Variants in SERPINA5 observed in about 807,000 individuals in gnomAD.
SERPINA5 encodes the protein plasma serine protease inhibitor.
In SERPINA5, 25 loss-of-function variants were observed where a neutral mutation model predicts 25.3. The observed-to-expected ratio is 0.99, with a 90% CI of 0.72 to 1.38. The LOEUF (loss-of-function observed/expected upper bound fraction) is 1.38. Among genes scored for constraint, SERPINA5 ranks in the 40% most tolerant of loss-of-function variants. SERPINA5 has a pLI of 0.00. For synonymous variants in SERPINA5, 234 were observed against 206.2 expected (o/e 1.14, Z -1.16); for missense variants, 599 against 509.5 (o/e 1.18, Z -1.69).
chr14:94,584,350 G>A (rs955418865), intron 2 of SERPINA5, among the ~76,000 whole-genome samples: 4 of 152,206 alleles, frequency 2.6e-5, no homozygotes, highest in Non-Finnish European at 4.4e-5. Flanking sequence ...TATTTATGGA[G>A]TGTCTAGTAT....
chr14:94,590,413 A>C (rs1885242277), intron 4 of SERPINA5, 102 bp downstream of exon 4: 3 of 1,396,262 alleles, frequency 2.1e-6, no homozygotes, highest in Non-Finnish European at 2.9e-6. Flanking sequence ...GGACTCACCC[A>C]GCCAAGGAGC....
chr14:94,591,549 G>A (rs2982747), intron 5 of SERPINA5, among the ~76,000 whole-genome samples: 50 of 108,296 alleles, frequency 4.6e-4, no homozygotes, highest in East Asian at 1.7e-3. Context: ...ATTCTGTTCT[G>A]TTCTATTCTA....
rs138505544 is a variant in SERPINA5, at chr14:94,590,845, C to T, written c.987C>T (p.Ser329=). The change falls in exon 5 of 6, where the codon TCC becomes TCT. Residue 329 remains serine (S), a synonymous_variant. Transcript: ENST00000329597. ...PSLGISNVFT[S]HADLSGISNH... Reference sequence around the variant, plus strand: ...TGGGGATCAGTAACGTCTTCACCTCCCATGCTGATCTGTCCGGCATCAGCA... The same window carrying T: ...TGGGGATCAGTAACGTCTTCACCTCTCATGCTGATCTGTCCGGCATCAGCA... The T allele has an allele frequency of 8.1e-6, 13 of 1,613,950 alleles. No individual in the cohort carries two copies. The African/African-American group carries it at 1.5e-4, about 18-fold the overall frequency.
chr14:94,582,158 AT>A (rs1566835559), intron 2 of SERPINA5: 2 of 152,240 alleles, frequency 1.3e-5, no homozygotes, highest in African/African-American at 4.8e-5. Context: ...GACAGTAACA[AT>A]TTGGCAGTTT....
Position 94,587,672 on chromosome 14 carries a change from G to GAGA in SERPINA5, c.313_315dup (p.Lys105dup). 6.2e-7 allele frequency: 1 copy of GAGA among 1,614,088 alleles called. No homozygotes were observed. The highest frequency in any genetic ancestry group is 8.5e-7 in the Non-Finnish European group (1 of 1,179,978). On this transcript the variant is annotated inframe_insertion, in exon 3 of 6. Coordinates refer to ENST00000329597, the MANE Select transcript of SERPINA5 (RefSeq NM_000624.6). Reference sequence around the variant, plus strand: ...GGGCCTCAACCTCCAGAAAAGCTCAGAGAAGGAGCTGCACAGAGGCTTTCA... The same window carrying GAGA: ...GGGCCTCAACCTCCAGAAAAGCTCAGAGAAGAAGGAGCTGCACAGAGGCTTTCA...
chr14:94,583,754 G>A (rs577298877), intron 2 of SERPINA5, among the ~76,000 whole-genome samples: 165 of 152,294 alleles, frequency 1.1e-3, no homozygotes, highest in Non-Finnish European at 1.9e-3. Flanking sequence ...AGGTGAACAT[G>A]ACTGATCCTC....
intron 3 of SERPINA5, 77 bp from the exon 4 acceptor site, chr14:94,589,964 A>C: frequency 7.1e-7 from 1 of 1,406,614 alleles, no homozygotes. Flanking sequence ...TACTGTCTTC[A>C]CTCCTTTTAT....
intron 2 of SERPINA5, among the ~76,000 whole-genome samples, chr14:94,585,900 C>T (rs770816804): frequency 2.0e-5 from 3 of 152,104 alleles, no homozygotes; most frequent in Admixed American, 6.6e-5. Context: ...TTCCATAGCA[C>T]GTGCCCCCAA....
At chr14:94,591,338 C>T (rs9796327) in intron 5 of SERPINA5, among the ~76,000 whole-genome samples, 10,712 of 145,634 alleles carry the variant, frequency 0.074, 488 homozygotes, top group Middle Eastern at 0.16. Context: ...CTCCATTCCA[C>T]TCCTCCACTC....
At chr14:94,591,787 T>A (rs1056433474) in intron 5 of SERPINA5, among the ~76,000 whole-genome samples, 13 of 152,190 alleles carry the variant, frequency 8.5e-5, no homozygotes, top group Admixed American at 8.5e-4. Context: ...TACTTGACTC[T>A]CTGAGCTTCC....
At position 94,591,552 on chromosome 14, in the gene SERPINA5, C is replaced by CTATTG. The variant is rs1368579528; in HGVS notation, c.1039-501_1039-500insGTATT. 5.8e-5 allele frequency among the ~76,000 whole-genome samples: 7 copies of CTATTG among 120,406 alleles called. No individual in the cohort carries two copies. The East Asian group carries it at 1.5e-3, about 26-fold the overall frequency. The allele number at this position is 120,406 out of a possible 152,430, so 79.0% of individuals were successfully genotyped here. On this transcript the variant is annotated intron_variant, in intron 5 of 5. Transcript: ENST00000329597. ...CTCCACTCCTTTATTCTGTTCTGTT[C>CTATTG]TATTCTATTCTATTCTATTCTATTC...
chr14:94,587,524 G>A lies in SERPINA5; in HGVS notation c.162G>A (p.Arg54=), dbSNP rs1283683845. Residue 54 remains arginine, a synonymous_variant, in exon 3 of 6, where the codon AGG becomes AGA. Coordinates refer to ENST00000329597, the MANE Select transcript of SERPINA5 (RefSeq NM_000624.6). The stretch of plus-strand genomic sequence containing the variant: ...GGGACTTTACCTTTGACCTCTACAG[G>A]GCCTTGGCTTCCGCTGCCCCCAGCC... The part of the protein sequence containing the change: ...SRRDFTFDLY[R]ALASAAPSQS... The A allele has an allele frequency of 6.2e-7, 1 of 1,613,702 alleles. No homozygotes were observed. Among genetic ancestry groups the A allele is most frequent in the Non-Finnish European group, 8.5e-7 (1 of 1,179,710 alleles).
chr14:94,592,071 T>C lies in SERPINA5; in HGVS notation c.1053T>C (p.Ala351=), dbSNP rs773981895. The change falls in exon 6 of 6, where the codon GCT becomes GCC. Residue 351 remains alanine, a synonymous_variant. Coordinates refer to ENST00000329597, the MANE Select transcript of SERPINA5 (RefSeq NM_000624.6). The stretch of plus-strand genomic sequence containing the variant: ...CTCCCCTGCAGATGGTGCACAAAGC[T>C]GTGGTGGAGGTGGACGAGTCGGGAA... ...NIQVSEMVHK[A]VVEVDESGTR... is the part of the protein sequence containing the mutation. The C allele has an allele frequency of 5.6e-6, 9 of 1,613,048 alleles. No homozygotes were observed. In the East Asian group the frequency reaches 1.8e-4, roughly 32 times the overall value.
In SERPINA5 at chr14:94,590,755, C is replaced by T. The variant is rs772906781; in HGVS notation, c.897C>T (p.Leu299=). ...KWLKMFKKRQ[L]ELYLPKFSIE... is the part of the protein sequence containing the mutation. ...GCTCCTTTTCCCTTTCCAGGCAGCTCGAGCTTTACCTTCCCAAATTCTCCA... is the reference window on the plus strand; with the variant it reads ...GCTCCTTTTCCCTTTCCAGGCAGCTTGAGCTTTACCTTCCCAAATTCTCCA... Residue 299 remains leucine, a synonymous_variant, in exon 5 of 6, where the codon CTC becomes CTT. Coordinates refer to ENST00000329597, the MANE Select transcript of SERPINA5 (RefSeq NM_000624.6). 1.4e-5 allele frequency: 23 copies of T among 1,613,558 alleles called. No individual in the cohort carries two copies. In the Admixed American group the frequency reaches 1.5e-4, roughly 11 times the overall value.
At chr14:94,587,213 GC>G in intron 2 of SERPINA5, 132 bp from the exon 3 acceptor site, 1 of 794,126 alleles carries the variant, frequency 1.3e-6, no homozygotes, top group Non-Finnish European at 2.0e-6. Flanking sequence ...GCCCAGTCTT[GC>G]GGGTGCCATC....
At chr14:94,583,093 G>C (rs761661817) in intron 2 of SERPINA5, among the ~76,000 whole-genome samples, 106 of 152,200 alleles carry the variant, frequency 7.0e-4, no homozygotes, top group Non-Finnish European at 1.3e-3. Flanking sequence ...AGCAGGTCCA[G>C]GCCAGGTGCA....
At position 94,592,051 on chromosome 14, in the gene SERPINA5, C is replaced by T. The variant is rs1425856985; in HGVS notation, c.1039-6C>T. 2.5e-6 allele frequency: 4 copies of T among 1,610,570 alleles called. No individual in the cohort carries two copies. Among genetic ancestry groups the T allele is most frequent in the African/African-American group, 2.7e-5 (2 of 75,012 alleles). ...GGCCTGGTGATGCCTGGTGTCTCCCCTGCAGATGGTGCACAAAGCTGTGGT... is the reference window on the plus strand; with the variant it reads ...GGCCTGGTGATGCCTGGTGTCTCCCTTGCAGATGGTGCACAAAGCTGTGGT... On this transcript the variant is annotated splice_region_variant and splice_polypyrimidine_tract_variant and intron_variant, in intron 5 of 5. Coordinates refer to ENST00000329597, the MANE Select transcript of SERPINA5 (RefSeq NM_000624.6).
At chr14:94,581,986 T>C (rs1056130832) in intron 2 of SERPINA5, 2 of 152,154 alleles carry the variant, frequency 1.3e-5, no homozygotes, top group South Asian at 2.1e-4. Context: ...GTCGGCTGGA[T>C]AGGAGGTGCT....
In SERPINA5 at chr14:94,587,398, C is replaced by T. The variant is rs11545525; in HGVS notation, c.36C>T (p.Leu12=). ...QLFLLLCLVL[L]SPQGASLHRH... is the part of the protein sequence containing the mutation. The stretch of plus-strand genomic sequence containing the variant: ...TCCTCCTCTTGTGCCTGGTGCTTCT[C>T]AGCCCTCAGGGGGCCTCCCTTCACC... The change falls in exon 3 of 6, where the codon CTC becomes CTT. Residue 12 remains leucine (L), a synonymous_variant. Coordinates refer to ENST00000329597, the MANE Select transcript of SERPINA5 (RefSeq NM_000624.6). 1 of 1,612,796 alleles carries T rather than the reference C, an allele frequency of 6.2e-7. No individual in the cohort carries two copies.
Sources: gnomAD v4.1 joint callset for allele counts (sites outside exome capture counted in the v4.1 genomes callset) on GRCh38, gnomAD v4.1.1 for gene constraint, MANE v1.5 for transcripts, NCBI Gene and HGNC (gene_info 2026-07-23, HGNC 2026-07-21) for gene names.